Variants in KLF3 observed in about 807,000 individuals in gnomAD.
KLF3 encodes the protein Krueppel-like factor 3.
KLF3 carries 6 observed loss-of-function variants against 32.7 expected under a neutral mutation model. The observed-to-expected ratio is 0.18, with a 90% CI of 0.10 to 0.36. The LOEUF (loss-of-function observed/expected upper bound fraction) is 0.36. KLF3 is among the 10% of genes least tolerant of loss of function. The pLI, the probability that KLF3 is intolerant of heterozygous loss-of-function variation, is 1.00. For missense variants in KLF3, 338 were observed against 449.7 expected (o/e 0.75, Z 2.25); for synonymous variants, 145 against 172.8 (o/e 0.84, Z 1.26).
In KLF3 at chr4:38,689,729, T is replaced by C; in HGVS notation, c.545T>C (p.Val182Ala). 1.3e-6 allele frequency: 2 copies of C among 1,572,512 alleles called. No homozygotes were observed. Among genetic ancestry groups the C allele is most frequent in the Non-Finnish European group, 1.7e-6 (2 of 1,163,696 alleles). The change falls in exon 4 of 6, where the codon GTA (valine) becomes GCA (alanine). Residue 182 changes from valine to alanine, a missense_variant and splice_region_variant. Around this residue, in one of 2 missense-constraint regions of KLF3, gnomAD observed 272 missense variants for 313.4 expected, o/e 0.87. Coordinates refer to ENST00000261438, the MANE Select transcript of KLF3 (RefSeq NM_016531.6). ...TGACTTTTCTATTTTTATTTTTTAG[T>C]ACCTGTAATTGAATCATATGAGAAG... ...EMENSSSSMQ[V>A]PVIESYEKPI...
In KLF3 at chr4:38,688,664, T is replaced by C. The variant is rs1180730740; in HGVS notation, c.137T>C (p.Phe46Ser). The C allele has an allele frequency of 6.2e-7, 1 of 1,614,180 alleles. No homozygotes were observed. The highest frequency in any genetic ancestry group is 8.5e-7 in the Non-Finnish European group (1 of 1,180,042). The change falls in exon 3 of 6, where the codon TTC (phenylalanine) becomes TCC (serine). Residue 46 changes from phenylalanine to serine, a missense_variant. Transcript: ENST00000261438. This position sits in a 1 kb window ranked among gnomAD's most constrained non-coding sequence, Gnocchi z 4.9. ...TACTCCACACCATTGCCTGAGAAGT[T>C]CTTTCAGACCCCAGAAGGTCTGTCG... ...VIYSTPLPEK[F>S]FQTPEGLSHG...
chr4:38,670,815 C>T (rs917296249), intron 1 of KLF3, among the ~76,000 whole-genome samples: 4 of 152,242 alleles, frequency 2.6e-5, no homozygotes, highest in Non-Finnish European at 5.9e-5. Context: ...TTTATCCTAG[C>T]ATGTGAGAAG....
intron 1 of KLF3, among the ~76,000 whole-genome samples, chr4:38,678,846 A>G (rs1722432640): frequency 6.6e-6 from 1 of 152,206 alleles, no homozygotes; most frequent in South Asian, 2.1e-4. Flanking sequence ...TGATCTATGA[A>G]GACCTTACCT....
At chr4:38,678,908 G>A (rs933095568) in intron 1 of KLF3, among the ~76,000 whole-genome samples, 4 of 152,228 alleles carry the variant, frequency 2.6e-5, no homozygotes, top group Non-Finnish European at 1.5e-5. Context: ...AGTGCCTGAA[G>A]TCGATTTCTG....
intron 4 of KLF3, among the ~76,000 whole-genome samples, chr4:38,691,384 GT>G (rs1420800233): frequency 6.6e-6 from 1 of 152,142 alleles, no homozygotes; most frequent in Non-Finnish European, 1.5e-5. Context: ...CTTTTTTTAT[GT>G]TGAGGGATGT....
intron 1 of KLF3, among the ~76,000 whole-genome samples, chr4:38,670,437 C>T (rs1722167465): frequency 1.3e-5 from 2 of 152,288 alleles, no homozygotes; most frequent in Non-Finnish European, 2.9e-5. Context: ...TTGAGGTCAG[C>T]GGATTCTGCC....
rs1363312719 is a variant in KLF3, at chr4:38,700,647, G to T, written c.*3384G>T. On this transcript the variant is annotated 3_prime_UTR_variant, in exon 6 of 6. Transcript: ENST00000261438. Reference sequence around the variant, plus strand: ...TCTGTTATGTACTTAGTGTTAGAGGGTCAAAATAATCTTTCTGCTTAGCAT... The same window carrying T: ...TCTGTTATGTACTTAGTGTTAGAGGTTCAAAATAATCTTTCTGCTTAGCAT... The T allele has an allele frequency of 6.6e-6, 1 of 152,118 alleles. No individual in the cohort carries two copies. Among genetic ancestry groups the T allele is most frequent in the African/African-American group, 2.4e-5 (1 of 41,418 alleles). The allele number at this position is 152,118 out of a possible 1,614,324, so 9.4% of individuals were successfully genotyped here. A position where few individuals can be genotyped will look rare whatever the true frequency, so the allele number is the denominator to read the frequency against.
intron 2 of KLF3, among the ~76,000 whole-genome samples, chr4:38,682,886 TGTCA>T (rs777116453): frequency 3.3e-5 from 5 of 152,232 alleles, no homozygotes; most frequent in Middle Eastern, 3.2e-3. Context: ...CAAAAGTTAC[TGTCA>T]GTCCTTTAAA....
intron 5 of KLF3, among the ~76,000 whole-genome samples, chr4:38,696,124 T>C (rs1450589124): frequency 1.3e-5 from 2 of 149,348 alleles, no homozygotes; most frequent in South Asian, 2.1e-4. Flanking sequence ...GAGGTGGATG[T>C]TACCCACTTC....
At chr4:38,686,170 C>T (rs1038235501) in intron 2 of KLF3, among the ~76,000 whole-genome samples, 1 of 151,926 alleles carries the variant, frequency 6.6e-6, no homozygotes, top group Non-Finnish European at 1.5e-5. Context: ...ACTGGCTGCG[C>T]GTGGTGGCTC....
chr4:38,665,599 T>A (rs1045382778), intron 1 of KLF3, among the ~76,000 whole-genome samples: 3 of 152,246 alleles, frequency 2.0e-5, no homozygotes, highest in Non-Finnish European at 4.4e-5. Flanking sequence ...ACCACTGAAT[T>A]TCTTACTCAG....
chr4:38,691,555 A>G (rs1313364344), intron 4 of KLF3, among the ~76,000 whole-genome samples: 1 of 152,250 alleles, frequency 6.6e-6, no homozygotes, highest in Non-Finnish European at 1.5e-5. Context: ...ATGAGTTGCA[A>G]CGTAAAACAT....
intron 2 of KLF3, among the ~76,000 whole-genome samples, chr4:38,683,530 T>A (rs1024561122): frequency 2.6e-5 from 4 of 151,694 alleles, no homozygotes; most frequent in African/African-American, 9.7e-5. Flanking sequence ...ATCCACCCAG[T>A]GTTGGCAAAA....
Position 38,671,303 on chromosome 4 carries a change from T to TC in KLF3, c.-40+6842_-40+6843insC, listed in dbSNP as rs2109238182. Among the ~76,000 whole-genome samples, 1 of 152,354 alleles carries TC rather than the reference T, an allele frequency of 6.6e-6. No individual in the cohort carries two copies. The highest frequency in any genetic ancestry group is 2.1e-4 in the South Asian group (1 of 4,830). On this transcript the variant is annotated intron_variant, in intron 1 of 5. Transcript: ENST00000261438. This position sits in a 1 kb window ranked among gnomAD's most constrained non-coding sequence, Gnocchi z 4.4. ...TGTGCAGTTATTATGAGGATTTCCGTATTTACTTGGGTCAAGCTGCCAATT... is the reference window on the plus strand; with the variant it reads ...TGTGCAGTTATTATGAGGATTTCCGTCATTTACTTGGGTCAAGCTGCCAATT...
chr4:38,666,052 C>A (rs77050486), intron 1 of KLF3, among the ~76,000 whole-genome samples: 2,341 of 152,310 alleles, frequency 0.015, 29 homozygotes, highest in Non-Finnish European at 0.025. Flanking sequence ...TTAAATTAAA[C>A]TCCCTAGAGA....
intron 2 of KLF3, among the ~76,000 whole-genome samples, chr4:38,681,312 A>G (rs972528654): frequency 1.3e-5 from 2 of 152,188 alleles, no homozygotes; most frequent in Admixed American, 6.5e-5. Context: ...GTGTAAAAAT[A>G]TATTAAGAAT....
chr4:38,696,927 T>G (rs1465707870), intron 5 of KLF3, among the ~76,000 whole-genome samples, 155 bp from the exon 6 acceptor site: 1 of 152,254 alleles, frequency 6.6e-6, no homozygotes, highest in East Asian at 1.9e-4. Context: ...GTTCATTTTC[T>G]TCTTGCTTGT....
At chr4:38,675,473 T>G (rs1037523872) in intron 1 of KLF3, among the ~76,000 whole-genome samples, 1 of 152,210 alleles carries the variant, frequency 6.6e-6, no homozygotes, top group Non-Finnish European at 1.5e-5. Flanking sequence ...AGCTAATGTA[T>G]TTCTAAAGCT....
At chr4:38,693,107 CATATAT>C (rs1427819967) in intron 4 of KLF3, among the ~76,000 whole-genome samples, 1 of 41,278 alleles carries the variant, frequency 2.4e-5, no homozygotes, top group African/African-American at 9.3e-5. Context: ...TATATATGTA[CATATAT>C]ATACATATAT....
Sources: gnomAD v4.1 joint callset for allele counts (sites outside exome capture counted in the v4.1 genomes callset) on GRCh38, gnomAD v4.1.1 for gene constraint, gnomAD v4.1.1 regional missense constraint, Gnocchi (gnomAD v3.1) non-coding constraint, MANE v1.5 for transcripts, NCBI Gene and HGNC (gene_info 2026-07-23, HGNC 2026-07-21) for gene names.